The following TAF3 variants were observed in gnomAD, a reference collection of about 807,000 sequenced individuals.
The protein encoded by TAF3 is transcription initiation factor TFIID subunit 3.
In TAF3, 7 loss-of-function variants were observed where a neutral mutation model predicts 80.6. The ratio of observed to expected loss-of-function variants is 0.09; its 90% CI spans 0.05 to 0.16. The LOEUF is 0.16. Ranked by LOEUF, TAF3 falls within the 10% of genes least tolerant of loss-of-function variation. The probability of loss-of-function intolerance (pLI) is 1.00; values close to 1 mark genes in which losing one functional copy is unlikely to be tolerated. For synonymous variants in TAF3, 444 were observed against 446.1 expected (o/e 1.00, Z 0.06); for missense variants, 921 against 1,140.2 (o/e 0.81, Z 2.77).
At chr10:7,880,079 A>G (rs1380737898) in intron 2 of TAF3, among the ~76,000 whole-genome samples, 1 of 152,062 alleles carries the variant, frequency 6.6e-6, no homozygotes, top group Non-Finnish European at 1.5e-5. Flanking sequence ...CCACCCCAAA[A>G]ATATAACAAA....
chr10:7,855,244 T>C (rs186997270), intron 2 of TAF3, among the ~76,000 whole-genome samples: 15 of 152,150 alleles, frequency 9.9e-5, no homozygotes, highest in Admixed American at 9.8e-4. Context: ...GTTGAAAATC[T>C]GTTTAAGAAG....
At chr10:7,867,988 G>T (rs966557996) in intron 2 of TAF3, among the ~76,000 whole-genome samples, 8 of 152,156 alleles carry the variant, frequency 5.3e-5, no homozygotes, top group African/African-American at 1.7e-4. Flanking sequence ...ATAAGGAAGA[G>T]AAAATGTATT....
At position 8,014,966 on chromosome 10, in the gene TAF3, CTCAAGCAGA is replaced by C; in HGVS notation, c.*216_*224del. 2.3e-6 allele frequency: 1 copy of C among 436,022 alleles called. No individual in the cohort carries two copies. Among genetic ancestry groups the C allele is most frequent in the Non-Finnish European group, 4.2e-6 (1 of 239,514 alleles). The allele number at this position is 436,022 out of a possible 1,614,324, so 27.0% of individuals were successfully genotyped here. On this transcript the variant is annotated 3_prime_UTR_variant, in exon 7 of 7. Coordinates refer to ENST00000344293, the MANE Select transcript of TAF3 (RefSeq NM_031923.4). ...TCCGTGGCAGTGCGACAGAAGGAAA[CTCAAGCAGA>C]GGCGTGGCCTGGGGGCTGCCCCTCC...
chr10:7,901,437 C>T (rs1837557993), intron 2 of TAF3, among the ~76,000 whole-genome samples: 2 of 152,206 alleles, frequency 1.3e-5, no homozygotes, highest in Non-Finnish European at 2.9e-5. Context: ...GGCAAACATT[C>T]AATTAACTTT....
chr10:7,970,360 A>G (rs1201913578), intron 3 of TAF3, among the ~76,000 whole-genome samples: 3 of 152,210 alleles, frequency 2.0e-5, no homozygotes, highest in Non-Finnish European at 4.4e-5. Flanking sequence ...AATTCTCCCA[A>G]CAGCTCTGAG....
intron 2 of TAF3, among the ~76,000 whole-genome samples, chr10:7,938,228 G>A (rs1837941568): frequency 6.6e-6 from 1 of 152,156 alleles, no homozygotes; most frequent in African/African-American, 2.4e-5. Context: ...GCAGTGGAGA[G>A]CCTTGGGAGT....
chr10:7,836,778 C>T (rs1374219130), intron 2 of TAF3, among the ~76,000 whole-genome samples: 1 of 152,214 alleles, frequency 6.6e-6, no homozygotes, highest in East Asian at 1.9e-4. Flanking sequence ...TTTGTTTAAA[C>T]CTTTATCTCT....
intron 2 of TAF3, among the ~76,000 whole-genome samples, chr10:7,943,002 C>T (rs1401036576): frequency 6.6e-6 from 1 of 152,214 alleles, no homozygotes; most frequent in African/African-American, 2.4e-5. Context: ...GTCATCTCTC[C>T]TGAGTTGCTA....
intron 2 of TAF3, among the ~76,000 whole-genome samples, chr10:7,948,258 CTTTT>C (rs575870423): frequency 7.2e-6 from 1 of 139,312 alleles, no homozygotes; most frequent in South Asian, 2.3e-4. Context: ...TTCTTTCTTT[CTTTT>C]TTTTTTTTTT....
chr10:7,882,741 T>G (rs1007381287), intron 2 of TAF3, among the ~76,000 whole-genome samples: 8 of 152,236 alleles, frequency 5.3e-5, no homozygotes, highest in Non-Finnish European at 1.0e-4. Context: ...GAGGGTTTTG[T>G]AGAATGTAGT....
At chr10:7,888,339 T>C (rs1564357112) in intron 2 of TAF3, among the ~76,000 whole-genome samples, 2 of 152,312 alleles carry the variant, frequency 1.3e-5, no homozygotes, top group South Asian at 2.1e-4. Context: ...ATATGATTCA[T>C]TGAGACAGTG....
chr10:7,932,763 G>A (rs900086463), intron 2 of TAF3, among the ~76,000 whole-genome samples: 5 of 136,598 alleles, frequency 3.7e-5, no homozygotes, highest in Admixed American at 2.5e-4. Context: ...CTACAGCCTC[G>A]ACCTCTCAGG....
chr10:7,916,212 G>A (rs1251739298), intron 2 of TAF3, among the ~76,000 whole-genome samples: 2 of 152,246 alleles, frequency 1.3e-5, no homozygotes, highest in African/African-American at 2.4e-5. Context: ...TTTGTTAATG[G>A]ATTATTACAT....
intron 3 of TAF3, among the ~76,000 whole-genome samples, chr10:7,966,446 C>T (rs895068319): frequency 6.6e-6 from 1 of 152,108 alleles, no homozygotes; most frequent in African/African-American, 2.4e-5. Context: ...TGATAGAAAC[C>T]CCGCAGTTTT....
chr10:7,957,031 A>G (rs960215074), intron 2 of TAF3, among the ~76,000 whole-genome samples: 10 of 152,172 alleles, frequency 6.6e-5, no homozygotes, highest in African/African-American at 2.4e-4. Context: ...TTAATCAATT[A>G]TAACACATAA....
intron 2 of TAF3, among the ~76,000 whole-genome samples, chr10:7,844,412 CTG>C (rs1484466273): frequency 1.4e-5 from 2 of 142,494 alleles, no homozygotes; most frequent in African/African-American, 5.2e-5. Context: ...GAGTCTTGCT[CTG>C]TCACCAGGCT....
intron 3 of TAF3, chr10:7,975,092 A>G (rs1831658822): frequency 1.0e-5 from 3 of 298,968 alleles, no homozygotes; most frequent in Middle Eastern, 4.2e-4. Context: ...AAAAAAAAAA[A>G]GAGTGAGATG....
intron 2 of TAF3, among the ~76,000 whole-genome samples, chr10:7,873,939 G>A (rs1012712968): frequency 3.9e-5 from 6 of 152,140 alleles, no homozygotes; most frequent in Non-Finnish European, 7.4e-5. Flanking sequence ...CATGATTACC[G>A]CTGTGTTTCC....
chr10:7,972,456 G>C (rs1197395578), intron 3 of TAF3, among the ~76,000 whole-genome samples: 1 of 152,102 alleles, frequency 6.6e-6, no homozygotes, highest in Non-Finnish European at 1.5e-5. Flanking sequence ...TGGTTTGCCT[G>C]GGACAATCCC....
Sources: gnomAD v4.1 joint callset for allele counts (sites outside exome capture counted in the v4.1 genomes callset) on GRCh38, gnomAD v4.1.1 for gene constraint, MANE v1.5 for transcripts, NCBI Gene and HGNC (gene_info 2026-07-23, HGNC 2026-07-21) for gene names.